ARHGEF15: variants seen among roughly 807,000 people sequenced by gnomAD.
ARHGEF15 encodes the protein Rho guanine nucleotide exchange factor 15, also known as Rho guanine nucleotide exchange factor (GEF) 15.
In ARHGEF15, 58 loss-of-function variants were observed where a neutral mutation model predicts 79.7. The ratio of observed to expected loss-of-function variants is 0.73; its 90% CI spans 0.59 to 0.91. The LOEUF is 0.91. ARHGEF15 is among the 40% of genes least tolerant of loss of function. The pLI is 0.00. For missense variants in ARHGEF15, 1,012 were observed against 1,108.1 expected (o/e 0.91, Z 1.23); for synonymous variants, 442 against 456.0 (o/e 0.97, Z 0.39).
Position 8,321,156 on chromosome 17 carries a change from CTGAACCCACAGCAA to C in ARHGEF15, c.*165_*178del. The C allele has an allele frequency of 1.1e-6, 1 of 919,694 alleles. No homozygotes were observed. 57.0% of individuals were successfully genotyped at this position (919,694 alleles called of 1,614,324 possible). On this transcript the variant is annotated 3_prime_UTR_variant, in exon 16 of 16. Transcript: ENST00000361926. ...CAGAGCAGCCAATGAAAACGGCCGC[CTGAACCCACAGCAA>C]TAAGAATGAATGAGGATGCCTTGAA... is the stretch of plus-strand genomic sequence containing the variant.
Position 8,312,871 on chromosome 17 carries a change from G to C in ARHGEF15, c.602-51G>C, listed in dbSNP as rs764330371. On this transcript the variant is annotated intron_variant, in intron 2 of 15. Transcript: ENST00000361926. ...TAAAGATGGAGATGGTCTGGGCGGG[G>C]GTGGAGCTGGGCCCCAAGGGCTTTC... The C allele has an allele frequency of 2.6e-6, 4 of 1,565,020 alleles. No homozygotes were observed. The South Asian group carries it at 3.5e-5, about 14-fold the overall frequency.
At chr17:8,317,170 G>A (rs138345060) in intron 9 of ARHGEF15, among the ~76,000 whole-genome samples, 78 of 152,200 alleles carry the variant, frequency 5.1e-4, no homozygotes, top group African/African-American at 1.8e-3. Flanking sequence ...GCACGATCAC[G>A]GCTCACTGCA....
In ARHGEF15 at chr17:8,313,046, C is replaced by A. The variant is rs1216087596; in HGVS notation, c.726C>A (p.Ser242=). 2 of 1,613,572 alleles carry A rather than the reference C, an allele frequency of 1.2e-6. No individual in the cohort carries two copies. The highest frequency in any genetic ancestry group is 1.7e-6 in the Non-Finnish European group (2 of 1,179,826). The change falls in exon 3 of 16, where the codon TCC becomes TCA. Residue 242 remains serine, a synonymous_variant. Coordinates refer to ENST00000361926, the MANE Select transcript of ARHGEF15 (RefSeq NM_173728.4). Reference sequence around the variant, plus strand: ...TCCCCAGGGTCCCCCGTCGGGCCTCCCCGCTGCGGACCTCTCGCTCCCGCC... The same window carrying A: ...TCCCCAGGGTCCCCCGTCGGGCCTCACCGCTGCGGACCTCTCGCTCCCGCC... The part of the protein sequence containing the change: ...EEVPRVPRRA[S]PLRTSRSRPH...
chr17:8,321,033 C>T lies in ARHGEF15; in HGVS notation c.*40C>T. 9 of 1,611,964 alleles carry T rather than the reference C, an allele frequency of 5.6e-6. No individual in the cohort carries two copies. The highest frequency in any genetic ancestry group is 7.6e-6 in the Non-Finnish European group (9 of 1,178,546). ...GGGGCACATGTTGGGAGACACCTAC[C>T]AGTGTGGCACGGAGAGAACAAAGCC... On this transcript the variant is annotated 3_prime_UTR_variant, in exon 16 of 16. Transcript: ENST00000361926.
Position 8,315,460 on chromosome 17 carries a change from T to A in ARHGEF15, c.1307T>A (p.Leu436Gln). 2 of 1,613,870 alleles carry A rather than the reference T, an allele frequency of 1.2e-6. No homozygotes were observed. Among genetic ancestry groups the A allele is most frequent in the Non-Finnish European group, 1.7e-6 (2 of 1,180,016 alleles). The change falls in exon 7 of 16, where the codon CTG becomes CAG. Residue 436 changes from leucine to glutamine, a missense_variant. Transcript: ENST00000361926. This position sits in a 1 kb window ranked among gnomAD's most constrained non-coding sequence, Gnocchi z 4.3. ...VTSEASYLRS[L>Q]RLLTDTFVLS... ...TCCGAGGCTTCCTACCTGCGCTCCC[T>A]GCGGCTGCTGACCGACACCTTCGTG...
chr17:8,316,015 G>T lies in ARHGEF15; in HGVS notation c.1575-4G>T, dbSNP rs745985282. ...GCAGCCGCTAGCCATGCCTGCTTCT[G>T]CAGGGACACCAACGTGCGCTTCTCC... On this transcript the variant is annotated splice_region_variant and splice_polypyrimidine_tract_variant and intron_variant, in intron 8 of 15. Transcript: ENST00000361926. 6.2e-7 allele frequency: 1 copy of T among 1,601,658 alleles called. No homozygotes were observed. Among genetic ancestry groups the T allele is most frequent in the Non-Finnish European group, 8.5e-7 (1 of 1,178,846 alleles).
In ARHGEF15 at chr17:8,313,473, T is replaced by C. The variant is rs773789933; in HGVS notation, c.935-28T>C. 1.2e-5 allele frequency: 20 copies of C among 1,603,812 alleles called. No homozygotes were observed. The Admixed American group carries it at 3.3e-4, about 27-fold the overall frequency. ...TGGCTGGGGATCCTGGAGTTTTTTT[T>C]TCTCTTCACTCTGGCTTCTCTCTCC... is the stretch of plus-strand genomic sequence containing the variant. On this transcript the variant is annotated intron_variant, in intron 3 of 15. Coordinates refer to ENST00000361926, the MANE Select transcript of ARHGEF15 (RefSeq NM_173728.4).
At position 8,314,922 on chromosome 17, in the gene ARHGEF15, G is replaced by C; in HGVS notation, c.1006G>C (p.Glu336Gln). Reference protein sequence around the residue: ...TVEGREEEGLEVLKEQNWELP... With the variant: ...TVEGREEEGLQVLKEQNWELP... ...TCTCCACAGGGAAGAGGAGGGGCTA[G>C]AGGTGCTGAAGGAGCAGAATTGGGA... is the stretch of plus-strand genomic sequence containing the variant. Residue 336 changes from glutamate (E) to glutamine (Q), a missense_variant, in exon 5 of 16, where the codon GAG becomes CAG. Physicochemically the swap from Glu to Gln is conservative, Grantham distance 29. Around this residue, in one of 3 missense-constraint regions of ARHGEF15, gnomAD observed 818 missense variants for 882.5 expected, o/e 0.93. Transcript: ENST00000361926. 2 of 1,614,074 alleles carry C rather than the reference G, an allele frequency of 1.2e-6. No homozygotes were observed. Among genetic ancestry groups the C allele is most frequent in the Non-Finnish European group, 1.7e-6 (2 of 1,179,996 alleles).
At position 8,315,697 on chromosome 17, in the gene ARHGEF15, A is replaced by G; in HGVS notation, c.1422-58A>G. On this transcript the variant is annotated intron_variant, in intron 7 of 15. Coordinates refer to ENST00000361926, the MANE Select transcript of ARHGEF15 (RefSeq NM_173728.4). This position sits in a 1 kb window ranked among gnomAD's most constrained non-coding sequence, Gnocchi z 4.3. ...GTTAGTTCCCAAACCTTCTCTCAAG[A>G]ACCCGGGAGACCTGGCTCTCTGCCC... 1 of 1,594,466 alleles carries G rather than the reference A, an allele frequency of 6.3e-7. No homozygotes were observed. The highest frequency in any genetic ancestry group is 8.5e-7 in the Non-Finnish European group (1 of 1,170,446).
Position 8,312,404 on chromosome 17 carries a change from A to G in ARHGEF15, c.365A>G (p.Lys122Arg). The G allele has an allele frequency of 6.2e-7, 1 of 1,612,284 alleles. No homozygotes were observed. The highest frequency in any genetic ancestry group is 8.5e-7 in the Non-Finnish European group (1 of 1,179,264). Residue 122 changes from lysine to arginine, a missense_variant, in exon 2 of 16, where the codon AAG becomes AGG. Physicochemically the swap from Lys to Arg is conservative, Grantham distance 26. Around this residue, in one of 3 missense-constraint regions of ARHGEF15, gnomAD observed 818 missense variants for 882.5 expected, o/e 0.93. Transcript: ENST00000361926. ...PAPRSPVPPPKPSGSPCTPLL... is the reference protein window; with the variant it reads ...PAPRSPVPPPRPSGSPCTPLL... ...CCCCGGTCTCCAGTCCCCCCACCCAAGCCGTCTGGGTCACCCTGCACGCCT... is the reference window on the plus strand; with the variant it reads ...CCCCGGTCTCCAGTCCCCCCACCCAGGCCGTCTGGGTCACCCTGCACGCCT...
Position 8,313,034 on chromosome 17 carries a change from C to T in ARHGEF15, c.714C>T (p.Pro238=). The T allele has an allele frequency of 6.2e-7, 1 of 1,613,454 alleles. No homozygotes were observed. Among genetic ancestry groups the T allele is most frequent in the South Asian group, 1.1e-5 (1 of 91,060 alleles). ...GCTATGAGGAGGTCCCCAGGGTCCC[C>T]CGTCGGGCCTCCCCGCTGCGGACCT... ...VGGYEEVPRV[P]RRASPLRTSR... is the part of the protein sequence containing the mutation. The change falls in exon 3 of 16, where the codon CCC becomes CCT. Residue 238 remains proline, a synonymous_variant. Coordinates refer to ENST00000361926, the MANE Select transcript of ARHGEF15 (RefSeq NM_173728.4).
rs750624132 is a variant in ARHGEF15, at chr17:8,316,100, C to T, written c.1656C>T (p.Phe552=). 5 of 1,603,580 alleles carry T rather than the reference C, an allele frequency of 3.1e-6. No individual in the cohort carries two copies. Among genetic ancestry groups the T allele is most frequent in the Non-Finnish European group, 3.4e-6 (4 of 1,179,338 alleles). The change falls in exon 9 of 16, where the codon TTC becomes TTT. Residue 552 remains phenylalanine (F), a synonymous_variant. Transcript: ENST00000361926. ...PKCERLPLPS[F]LLLPFQRITR... is the part of the protein sequence containing the mutation. ...GTGAGCGGCTCCCGCTGCCGTCCTT[C>T]CTGCTACTGCCCTTCCAGCGCATCA...
rs552113174 is a variant in ARHGEF15 at position 8,314,770 on chromosome 17, G to A, written c.990-136G>A. 1,839 of 761,134 alleles carry A rather than the reference G, an allele frequency of 2.4e-3. 48 individuals are homozygous for A. The South Asian group carries it at 0.039, about 16-fold the overall frequency. The allele number at this position is 761,134 out of a possible 1,614,324, so 47.1% of individuals were successfully genotyped here. On this transcript the variant is annotated intron_variant, in intron 4 of 15. Coordinates refer to ENST00000361926, the MANE Select transcript of ARHGEF15 (RefSeq NM_173728.4). Reference sequence around the variant, plus strand: ...AAAAAAAAAAAAAAAAAAAGCCTGAGGTTTGATTTGGGGAGCCGTCAGGGT... The same window carrying A: ...AAAAAAAAAAAAAAAAAAAGCCTGAAGTTTGATTTGGGGAGCCGTCAGGGT...
chr17:8,315,311 G>C lies in ARHGEF15; in HGVS notation c.1260+34G>C. The C allele has an allele frequency of 1.2e-6, 2 of 1,611,392 alleles. No homozygotes were observed. The highest frequency in any genetic ancestry group is 2.2e-5 in the South Asian group (2 of 90,900). ...TGGAGGTGGGAGATGGGAGGGGGGT[G>C]CTGGGGTTGGGCTGCATGGGTCAGG... On this transcript the variant is annotated intron_variant, in intron 6 of 15. Coordinates refer to ENST00000361926, the MANE Select transcript of ARHGEF15 (RefSeq NM_173728.4). The surrounding 1 kb of genome is among the most constrained non-coding windows in gnomAD (Gnocchi z 4.3).
chr17:8,320,546 C>T (rs902103139), intron 15 of ARHGEF15, among the ~76,000 whole-genome samples: 1 of 152,148 alleles, frequency 6.6e-6, no homozygotes, highest in African/African-American at 2.4e-5. Context: ...CAAATGAGGT[C>T]ATAGAAGTGG....
rs1264658376 is a variant in ARHGEF15 at position 8,315,880 on chromosome 17, A to G, written c.1547A>G (p.Tyr516Cys). 1 of 1,611,046 alleles carries G rather than the reference A, an allele frequency of 6.2e-7. No homozygotes were observed. Among genetic ancestry groups the G allele is most frequent in the Non-Finnish European group, 8.5e-7 (1 of 1,179,946 alleles). Residue 516 changes from tyrosine to cysteine, a missense_variant, in exon 8 of 16, where the codon TAT becomes TGT. By Grantham distance (194) the Tyr-to-Cys change is radical. This residue lies in a region of ARHGEF15 where 818 missense variants were observed against 882.5 expected (regional missense o/e 0.93). Coordinates refer to ENST00000361926, the MANE Select transcript of ARHGEF15 (RefSeq NM_173728.4). The surrounding 1 kb of genome is among the most constrained non-coding windows in gnomAD (Gnocchi z 4.3). ...VYVDYVRNQQ[Y>C]QEETYSRLMD... is the part of the protein sequence containing the mutation. ...GTGGATTATGTGCGGAACCAGCAGT[A>G]TCAGGAGGAGACCTACAGCCGCCTC...
At position 8,321,269 on chromosome 17, in the gene ARHGEF15, T is replaced by A; in HGVS notation, c.*276T>A. 1 of 379,474 alleles carries A rather than the reference T, an allele frequency of 2.6e-6. No individual in the cohort carries two copies. Among genetic ancestry groups the A allele is most frequent in the South Asian group, 4.9e-5 (1 of 20,426 alleles). 23.5% of individuals were successfully genotyped at this position (379,474 alleles called of 1,614,324 possible). On this transcript the variant is annotated 3_prime_UTR_variant, in exon 16 of 16. Coordinates refer to ENST00000361926, the MANE Select transcript of ARHGEF15 (RefSeq NM_173728.4). ...CTGAGCTGGCTGAGCCTATGGCCAA[T>A]GAGTATTCCTGCTATGCTCAGGGCC...
At position 8,315,955 on chromosome 17, in the gene ARHGEF15, G is replaced by A. The variant is rs376713678; in HGVS notation, c.1574+48G>A. On this transcript the variant is annotated intron_variant, in intron 8 of 15. Transcript: ENST00000361926. The surrounding 1 kb of genome is among the most constrained non-coding windows in gnomAD (Gnocchi z 4.3). ...GGAAGCTGGGGAGAGGGATGGGACCGAGGCCACAGCAGGTTGGGGCACCAG... is the reference window on the plus strand; with the variant it reads ...GGAAGCTGGGGAGAGGGATGGGACCAAGGCCACAGCAGGTTGGGGCACCAG... 4 of 1,601,648 alleles carry A rather than the reference G, an allele frequency of 2.5e-6. No individual in the cohort carries two copies. The highest frequency in any genetic ancestry group is 2.7e-5 in the African/African-American group (2 of 74,882).
Position 8,321,184 on chromosome 17 carries a change from G to A in ARHGEF15, c.*191G>A. 4.1e-6 allele frequency: 3 copies of A among 737,872 alleles called. No individual in the cohort carries two copies. Among genetic ancestry groups the A allele is most frequent in the Non-Finnish European group, 6.5e-6 (3 of 464,340 alleles). 45.7% of individuals were successfully genotyped at this position (737,872 alleles called of 1,614,324 possible). ...AACCCACAGCAATAAGAATGAATGA[G>A]GATGCCTTGAATGTGTGGCCAATGG... On this transcript the variant is annotated 3_prime_UTR_variant, in exon 16 of 16. Coordinates refer to ENST00000361926, the MANE Select transcript of ARHGEF15 (RefSeq NM_173728.4).
Sources: gnomAD v4.1 joint callset for allele counts (sites outside exome capture counted in the v4.1 genomes callset) on GRCh38, gnomAD v4.1.1 for gene constraint, gnomAD v4.1.1 regional missense constraint, Gnocchi (gnomAD v3.1) non-coding constraint, MANE v1.5 for transcripts, NCBI Gene and HGNC (gene_info 2026-07-23, HGNC 2026-07-21) for gene names.